ABCC11: variants seen among roughly 807,000 people sequenced by gnomAD.
ABCC11 encodes the protein ATP-binding cassette sub-family C member 11.
In ABCC11, 135 loss-of-function variants were observed where a neutral mutation model predicts 149.3. The observed-to-expected ratio is 0.90, with a 90% confidence interval of 0.79 to 1.04. The LOEUF is 1.04. Ranked by LOEUF, ABCC11 falls within the 50% of genes least tolerant of loss-of-function variation. The probability of loss-of-function intolerance (pLI) is 0.00; values close to 1 mark genes in which losing one functional copy is unlikely to be tolerated. For missense variants in ABCC11, 1,680 were observed against 1,722.1 expected (o/e 0.98, Z 0.43); for synonymous variants, 665 against 671.4 (o/e 0.99, Z 0.15).
chr16:48,243,269 C>A (rs9930843), intron 1 of ABCC11, among the ~76,000 whole-genome samples: 5 of 151,388 alleles, frequency 3.3e-5, no homozygotes, highest in South Asian at 2.1e-4. Context: ...GGCGTGGTTG[C>A]GGGTGCCTGT....
intron 1 of ABCC11, chr16:48,244,060 T>C (rs1009453734): frequency 1.7e-5 from 4 of 229,350 alleles, no homozygotes; most frequent in African/African-American, 6.8e-5. Context: ...TTCAAGTATA[T>C]GTAAAAAATC....
Position 48,187,077 on chromosome 16 carries a change from C to A in ABCC11, c.2947G>T (p.Ala983Ser). The change falls in exon 22 of 30, where the codon GCC becomes TCC. Residue 983 changes from alanine to serine, a missense_variant. By Grantham distance (99) the Ala-to-Ser change is moderately conservative (BLOSUM62 1). Coordinates refer to ENST00000356608, the MANE Select transcript of ABCC11 (RefSeq NM_001370497.1). ...CFIYYMMFKK[A>S]IGVFKRLENY... ...TCCAGTCTCTTGAACACACCGATGG[C>A]CTTCTTGAACATCCTGCATGGACAG... The A allele has an allele frequency of 1.9e-6, 3 of 1,614,182 alleles. No homozygotes were observed. The highest frequency in any genetic ancestry group is 2.5e-6 in the Non-Finnish European group (3 of 1,180,028).
intron 23 of ABCC11, among the ~76,000 whole-genome samples, chr16:48,180,824 A>T (rs1286649636): frequency 2.0e-5 from 3 of 152,234 alleles, no homozygotes; most frequent in South Asian, 2.1e-4. Flanking sequence ...AGAGTGTGGA[A>T]GGTGACTTGG....
chr16:48,230,113 T>C (rs1381916126), intron 3 of ABCC11, among the ~76,000 whole-genome samples: 1 of 152,246 alleles, frequency 6.6e-6, no homozygotes, highest in Non-Finnish European at 1.5e-5. Context: ...AATCATGTCA[T>C]GCACAAGTTT....
chr16:48,244,538 G>A lies in ABCC11; in HGVS notation c.-19+2776C>T, dbSNP rs1031199519. On this transcript the variant is annotated intron_variant, in intron 1 of 29. Transcript: ENST00000356608. ...TGCGGAGCCGCCTTCTGAAGGGCAC[G>A]TCGCTGCAAAGCACCATCCTGGGCG... 5 of 1,567,814 alleles carry A rather than the reference G, an allele frequency of 3.2e-6. No homozygotes were observed. The African/African-American group carries it at 4.1e-5, about 13-fold the overall frequency.
chr16:48,241,712 A>C (rs1970978306), intron 1 of ABCC11, among the ~76,000 whole-genome samples: 1 of 152,206 alleles, frequency 6.6e-6, no homozygotes, highest in Admixed American at 6.5e-5. Context: ...GACCAATGGA[A>C]CAGAACAGAG....
At chr16:48,219,169 GTTTT>G (rs59995920) in intron 6 of ABCC11, among the ~76,000 whole-genome samples, 19,609 of 134,424 alleles carry the variant, frequency 0.15, 1,641 homozygotes, top group African/African-American at 0.28. Context: ...TTGGTTTTGG[GTTTT>G]TTTTTTTTTT....
intron 1 of ABCC11, among the ~76,000 whole-genome samples, chr16:48,236,063 A>C (rs969409706): frequency 6.6e-6 from 1 of 152,196 alleles, no homozygotes; most frequent in Non-Finnish European, 1.5e-5. Context: ...GCCCTAAAGA[A>C]GTTTAAGTGA....
intron 1 of ABCC11, among the ~76,000 whole-genome samples, chr16:48,243,284 C>T (rs1015159586): frequency 2.0e-5 from 3 of 151,358 alleles, no homozygotes; most frequent in African/African-American, 7.3e-5. Context: ...GCCTGTAGTC[C>T]CCAGCTACTC....
At position 48,208,942 on chromosome 16, in the gene ABCC11, A is replaced by G. The variant is rs544997954; in HGVS notation, c.1609-446T>C. On this transcript the variant is annotated intron_variant, in intron 11 of 29. Transcript: ENST00000356608. ...TCAAATAGTGATCTGAGTTTCCTCT[A>G]TGGACCTAGTAATGAAGAAAAGACC... Among the ~76,000 whole-genome samples the G allele has an allele frequency of 5.3e-5, 8 of 152,352 alleles. No individual in the cohort carries two copies. The South Asian group carries it at 8.3e-4, about 16-fold the overall frequency.
At chr16:48,205,167 T>C (rs1401469385) in intron 13 of ABCC11, among the ~76,000 whole-genome samples, 1 of 152,226 alleles carries the variant, frequency 6.6e-6, no homozygotes, top group Admixed American at 6.5e-5. Flanking sequence ...TGGGTTCAAA[T>C]CCTGGCTCTA....
intron 1 of ABCC11, among the ~76,000 whole-genome samples, chr16:48,238,950 A>G (rs1258266330): frequency 6.6e-6 from 1 of 151,122 alleles, no homozygotes; most frequent in Admixed American, 6.6e-5. Context: ...AAAAAAAAAA[A>G]AAAAAAAAAC....
In ABCC11 at chr16:48,167,230, C is replaced by T. The variant is rs150729683; in HGVS notation, c.*44G>A. 7.8e-5 allele frequency: 61 copies of T among 779,258 alleles called. No individual in the cohort carries two copies. The East Asian group carries it at 1.4e-3, about 18-fold the overall frequency. The allele number at this position is 779,258 out of a possible 1,614,324, so 48.3% of individuals were successfully genotyped here. Reference sequence around the variant, plus strand: ...GGCCTCGAAGCTGCACCTGTGTGAACCTCTGAGCTCAGCTGCCAGCCTCCA... The same window carrying T: ...GGCCTCGAAGCTGCACCTGTGTGAATCTCTGAGCTCAGCTGCCAGCCTCCA... On this transcript the variant is annotated 3_prime_UTR_variant, in exon 30 of 30. Transcript: ENST00000356608.
At chr16:48,209,157 C>T (rs758568370) in intron 11 of ABCC11, among the ~76,000 whole-genome samples, 4 of 152,148 alleles carry the variant, frequency 2.6e-5, no homozygotes, top group Non-Finnish European at 5.9e-5. Flanking sequence ...GGTGTCATTG[C>T]TGCCCAAGAG....
chr16:48,166,410 C>T lies in ABCC11; in HGVS notation c.*864G>A, dbSNP rs1965340106. On this transcript the variant is annotated 3_prime_UTR_variant, in exon 30 of 30. Transcript: ENST00000356608. ...TGAAGCCAAACAAAGGAAAGCAGAG[C>T]TAGGAGAAGAGAAACAGAGACCTCA... is the stretch of plus-strand genomic sequence containing the variant. Among the ~76,000 whole-genome samples the T allele has an allele frequency of 6.6e-6, 1 of 152,166 alleles. No homozygotes were observed. The highest frequency in any genetic ancestry group is 2.4e-5 in the African/African-American group (1 of 41,430).
Position 48,167,173 on chromosome 16 carries a change from C to T in ABCC11, c.*101G>A. 4 of 484,516 alleles carry T rather than the reference C, an allele frequency of 8.3e-6. No homozygotes were observed. The highest frequency in any genetic ancestry group is 3.4e-5 in the South Asian group (2 of 58,500). 30.0% of individuals were successfully genotyped at this position (484,516 alleles called of 1,614,324 possible). A position where few individuals can be genotyped will look rare whatever the true frequency, so the allele number is the denominator to read the frequency against. ...TTTACCCCTGCTTCCAGGAGAAGTTCTCATCTCCAAACAAGAAGGTCGCAG... is the reference window on the plus strand; with the variant it reads ...TTTACCCCTGCTTCCAGGAGAAGTTTTCATCTCCAAACAAGAAGGTCGCAG... On this transcript the variant is annotated 3_prime_UTR_variant, in exon 30 of 30. Coordinates refer to ENST00000356608, the MANE Select transcript of ABCC11 (RefSeq NM_001370497.1).
chr16:48,224,511 T>C (rs1969947779), intron 4 of ABCC11, 82 bp from the exon 5 acceptor site: 2 of 1,500,376 alleles, frequency 1.3e-6, no homozygotes, highest in Non-Finnish European at 1.8e-6. Flanking sequence ...CCAGGAGCTT[T>C]GTTGCAGAAA....
At chr16:48,240,598 T>A (rs1650555103) in intron 1 of ABCC11, among the ~76,000 whole-genome samples, 1 of 152,028 alleles carries the variant, frequency 6.6e-6, no homozygotes, top group African/African-American at 2.4e-5. Context: ...AGATTATGGG[T>A]TGATCTGTGC....
intron 12 of ABCC11, among the ~76,000 whole-genome samples, chr16:48,206,947 A>AT (rs907012529): frequency 4.2e-4 from 64 of 152,168 alleles, no homozygotes; most frequent in African/African-American, 1.4e-3. Flanking sequence ...TAGTTTTACA[A>AT]TTTTTTTTAA....
Sources: gnomAD v4.1 joint callset for allele counts (sites outside exome capture counted in the v4.1 genomes callset) on GRCh38, gnomAD v4.1.1 for gene constraint, MANE v1.5 for transcripts, NCBI Gene and HGNC (gene_info 2026-07-23, HGNC 2026-07-21) for gene names.